The following DOCK3 variants were observed in gnomAD, a reference collection of about 807,000 sequenced individuals.
DOCK3 encodes the protein dedicator of cytokinesis 3, also known as dedicator of cytokinesis protein 3.
DOCK3 carries 60 observed loss-of-function variants against 265.6 expected under a neutral mutation model. The ratio of observed to expected loss-of-function variants is 0.23; its 90% confidence interval spans 0.18 to 0.28. The LOEUF (loss-of-function observed/expected upper bound fraction) is 0.28. DOCK3 is among the 10% of genes least tolerant of loss of function. DOCK3 has a pLI of 1.00. For synonymous variants in DOCK3, 881 were observed against 938.0 expected (o/e 0.94, Z 1.11); for missense variants, 1,981 against 2,594.3 (o/e 0.76, Z 5.14).
At chr3:50,681,699 T>G (rs1206525679) in intron 1 of DOCK3, among the ~76,000 whole-genome samples, 1 of 152,198 alleles carries the variant, frequency 6.6e-6, no homozygotes, top group Non-Finnish European at 1.5e-5. Flanking sequence ...TGTTGGGAAA[T>G]GTCATTCAGA....
intron 5 of DOCK3, among the ~76,000 whole-genome samples, chr3:51,007,097 T>A (rs1340577159): frequency 1.3e-5 from 2 of 152,236 alleles, no homozygotes; most frequent in Non-Finnish European, 2.9e-5. Flanking sequence ...TGTGCATGTA[T>A]CTTTATAGTA....
intron 2 of DOCK3, chr3:50,787,572 A>G: frequency 1.1e-6 from 1 of 912,658 alleles, no homozygotes; most frequent in South Asian, 1.4e-5. Context: ...CTCACAGGTC[A>G]CACTTAGCTT....
intron 5 of DOCK3, among the ~76,000 whole-genome samples, chr3:50,992,405 C>G (rs886742511): frequency 1.3e-5 from 2 of 152,210 alleles, no homozygotes; most frequent in African/African-American, 4.8e-5. Context: ...TCCAGCTATT[C>G]TCCTGCCTCA....
At chr3:50,863,599 C>G (rs2609027) in intron 3 of DOCK3, among the ~76,000 whole-genome samples, 8,710 of 152,190 alleles carry the variant, frequency 0.057, 882 homozygotes, top group African/African-American at 0.2. Context: ...TGTGACAAGT[C>G]CTGGCTACTT....
At chr3:51,320,223 G>C (rs534159667) in intron 32 of DOCK3, among the ~76,000 whole-genome samples, 1 of 152,070 alleles carries the variant, frequency 6.6e-6, no homozygotes, top group Admixed American at 6.5e-5. Context: ...AGGGGTCGGG[G>C]AATTCCCTTC....
At chr3:50,726,868 C>G (rs1018946664) in intron 1 of DOCK3, among the ~76,000 whole-genome samples, 5 of 151,958 alleles carry the variant, frequency 3.3e-5, no homozygotes, top group Non-Finnish European at 7.4e-5. Context: ...GTGAGACTTG[C>G]AAAGAAACAA....
chr3:50,901,547 G>A (rs2049196480), intron 4 of DOCK3: 2 of 445,420 alleles, frequency 4.5e-6, no homozygotes, highest in Admixed American at 4.8e-5. Context: ...TTAGCTCAGT[G>A]TCTGCCCAAA....
At chr3:51,108,041 CT>C (rs755768442) in intron 9 of DOCK3, among the ~76,000 whole-genome samples, 4,075 of 142,030 alleles carry the variant, frequency 0.029, 168 homozygotes, top group African/African-American at 0.091. Flanking sequence ...ATTCAACATT[CT>C]TTTTTTTTTT....
intron 1 of DOCK3, among the ~76,000 whole-genome samples, chr3:50,755,565 T>C (rs1193475195): frequency 6.6e-6 from 1 of 152,170 alleles, no homozygotes; most frequent in Admixed American, 6.5e-5. Flanking sequence ...ATACAATACA[T>C]TGGTTTTTAG....
In DOCK3 at chr3:51,230,540, CAG is replaced by C. The variant is rs369985080; in HGVS notation, c.1917+934_1917+935del. Reference sequence around the variant, plus strand: ...GTTGTTTTGTTTTGTTTTTTTGAGACAGAGTCTCACTCTGTCGCCAGGCTGGA... The same window carrying C: ...GTTGTTTTGTTTTGTTTTTTTGAGACAGTCTCACTCTGTCGCCAGGCTGGA... On this transcript the variant is annotated intron_variant, in intron 19 of 52. Coordinates refer to ENST00000266037, the MANE Select transcript of DOCK3 (RefSeq NM_004947.5). 5.9e-5 allele frequency among the ~76,000 whole-genome samples: 9 copies of C among 151,964 alleles called. No homozygotes were observed. In the South Asian group the frequency reaches 1.0e-3, roughly 17 times the overall value.
At chr3:51,264,420 A>G (rs1392397217) in intron 23 of DOCK3, among the ~76,000 whole-genome samples, 2 of 152,228 alleles carry the variant, frequency 1.3e-5, no homozygotes, top group African/African-American at 2.4e-5. Context: ...AGAGAAATTT[A>G]TAGCACTAAA....
At position 51,038,947 on chromosome 3, in the gene DOCK3, C is replaced by G. The variant is rs9823189; in HGVS notation, c.316-25501C>G. ...TTAATTTATATAAAAGTTATTGAAA[C>G]ATATATTTCTCTACACAGAATAATG... On this transcript the variant is annotated intron_variant, in intron 5 of 52. Coordinates refer to ENST00000266037, the MANE Select transcript of DOCK3 (RefSeq NM_004947.5). 3.7e-3 allele frequency among the ~76,000 whole-genome samples: 558 copies of G among 151,564 alleles called. 4 individuals are homozygous for G. Among genetic ancestry groups the G allele is most frequent in the African/African-American group, 0.013 (536 of 41,354 alleles).
intron 5 of DOCK3, among the ~76,000 whole-genome samples, chr3:50,977,877 G>A (rs900637536): frequency 7.9e-5 from 12 of 151,224 alleles, no homozygotes; most frequent in Admixed American, 1.3e-4. Context: ...TTCCCTTCTC[G>A]CTTCATTTCA....
At chr3:51,023,641 C>T (rs1011870651) in intron 5 of DOCK3, among the ~76,000 whole-genome samples, 2 of 152,158 alleles carry the variant, frequency 1.3e-5, no homozygotes, top group African/African-American at 2.4e-5. Flanking sequence ...GTCTCAAACT[C>T]CTGACCTCAG....
At chr3:51,202,982 G>A (rs1034536009) in intron 12 of DOCK3, among the ~76,000 whole-genome samples, 17 of 152,088 alleles carry the variant, frequency 1.1e-4, no homozygotes, top group Non-Finnish European at 1.6e-4. Flanking sequence ...TCATGCTAAA[G>A]ACTCTCAATA....
chr3:51,126,224 A>G (rs545258725), intron 9 of DOCK3, among the ~76,000 whole-genome samples: 3 of 152,324 alleles, frequency 2.0e-5, no homozygotes, highest in African/African-American at 7.2e-5. Flanking sequence ...TGCCATTCAA[A>G]ACTGCTAGGT....
At chr3:50,983,179 G>T (rs966959762) in intron 5 of DOCK3, among the ~76,000 whole-genome samples, 1 of 152,118 alleles carries the variant, frequency 6.6e-6, no homozygotes, top group Non-Finnish European at 1.5e-5. Context: ...GTACACAGGG[G>T]GTAGGGATGA....
intron 9 of DOCK3, among the ~76,000 whole-genome samples, chr3:51,098,855 C>T (rs2082971081): frequency 6.6e-6 from 1 of 152,184 alleles, no homozygotes; most frequent in Non-Finnish European, 1.5e-5. Flanking sequence ...CTTTCTTTTT[C>T]TACCCTGCTC....
At position 51,357,956 on chromosome 3, in the gene DOCK3, G is replaced by T. The variant is rs775938162; in HGVS notation, c.4768-5G>T. 5.0e-6 allele frequency: 8 copies of T among 1,614,016 alleles called. No homozygotes were observed. In the Middle Eastern group the frequency reaches 1.2e-3, roughly 233 times the overall value. On this transcript the variant is annotated splice_polypyrimidine_tract_variant and splice_region_variant and intron_variant, in intron 45 of 52. Coordinates refer to ENST00000266037, the MANE Select transcript of DOCK3 (RefSeq NM_004947.5). ...ACAGAGTGGCCTTGTTTGTGACTCT[G>T]ATAGGTTCATGTCCTTGGAGTTGGG...
Sources: allele counts gnomAD v4.1 joint callset (sites outside exome capture counted in the v4.1 genomes callset), GRCh38; gene constraint gnomAD v4.1.1; transcripts MANE v1.5; gene names NCBI Gene and HGNC (gene_info 2026-07-23, HGNC 2026-07-21).